Variants in AKAP10 observed in about 807,000 individuals in gnomAD.
AKAP10 encodes A-kinase anchor protein 10, mitochondrial.
Under a neutral mutation model 80.8 loss-of-function variants are expected in AKAP10, and 24 were observed. The observed-to-expected ratio is 0.30, with a 90% CI of 0.22 to 0.42. AKAP10 has a LOEUF of 0.42. AKAP10 is among the 10% of genes least tolerant of loss of function. AKAP10 has a pLI of 1.00. For synonymous variants in AKAP10, 291 were observed against 277.7 expected (o/e 1.05, Z -0.48); for missense variants, 661 against 794.9 (o/e 0.83, Z 2.03).
At chr17:19,935,137 T>TGGTACAACCTATTGCTTTTGG (rs1397145299) in intron 9 of AKAP10, among the ~76,000 whole-genome samples, 8 of 152,246 alleles carry the variant, frequency 5.3e-5, no homozygotes, top group African/African-American at 1.9e-4. Flanking sequence ...CTTGGCTATA[T>TGGTACAACCTATTGCTTTTGG]GGTACAACCT....
intron 10 of AKAP10, among the ~76,000 whole-genome samples, chr17:19,925,551 C>G (rs1053228132): frequency 4.6e-5 from 7 of 152,172 alleles, no homozygotes; most frequent in Admixed American, 3.9e-4. Flanking sequence ...AATTCAGTTA[C>G]AGAGAGACTT....
intron 5 of AKAP10, among the ~76,000 whole-genome samples, chr17:19,946,259 A>ATAT (rs2043122098): frequency 4.2e-5 from 1 of 23,932 alleles, no homozygotes; most frequent in Non-Finnish European, 7.3e-5. Flanking sequence ...ATATATATAT[A>ATAT]TATATATATA....
At position 19,946,275 on chromosome 17, in the gene AKAP10, A is replaced by ATTTTTTTT. The variant is rs71157846; in HGVS notation, c.976+1124_976+1131dup. Among the ~76,000 whole-genome samples the ATTTTTTTT allele has an allele frequency of 3.9e-4, 5 of 12,932 alleles. 1 individual carries two copies. The highest frequency in any genetic ancestry group is 5.5e-4 in the Non-Finnish European group (4 of 7,312). 8.5% of individuals were successfully genotyped at this position (12,932 alleles called of 152,430 possible). ...TATATATATATATATATATATATAT[A>ATTTTTTTT]TTTTTTTTTTTTTTTTTTTTTTTTG... is the stretch of plus-strand genomic sequence containing the variant. On this transcript the variant is annotated intron_variant, in intron 5 of 14. Transcript: ENST00000225737.
intron 9 of AKAP10, among the ~76,000 whole-genome samples, chr17:19,935,285 A>T (rs935449921): frequency 7.2e-5 from 11 of 152,210 alleles, no homozygotes; most frequent in African/African-American, 2.7e-4. Context: ...AAGATAAAAA[A>T]TGGTACATCT....
chr17:19,947,229 A>C (rs2043144671), intron 5 of AKAP10, 178 bp downstream of exon 5: 1 of 586,462 alleles, frequency 1.7e-6, no homozygotes, highest in Admixed American at 3.0e-5. Context: ...CACCGAATGC[A>C]GCCGAGAAAC....
chr17:19,914,815 A>G (rs2042728229), intron 12 of AKAP10, among the ~76,000 whole-genome samples: 1 of 152,094 alleles, frequency 6.6e-6, no homozygotes. Flanking sequence ...GCCATGAAAT[A>G]GCAACTGCAG....
chr17:19,960,993 C>T (rs1054734218), intron 3 of AKAP10, among the ~76,000 whole-genome samples: 2 of 151,550 alleles, frequency 1.3e-5, no homozygotes, highest in African/African-American at 4.9e-5. Context: ...GGCCACTGCA[C>T]TCCAGCCTGT....
intron 1 of AKAP10, among the ~76,000 whole-genome samples, 176 bp downstream of exon 1, chr17:19,977,416 C>T (rs1017044565): frequency 6.6e-6 from 1 of 152,252 alleles, no homozygotes; most frequent in Non-Finnish European, 1.5e-5. Flanking sequence ...AGAAGGCCAC[C>T]TTCTCCCTCC....
At chr17:19,974,175 G>C (rs1478997416) in intron 1 of AKAP10, among the ~76,000 whole-genome samples, 1 of 151,992 alleles carries the variant, frequency 6.6e-6, no homozygotes, top group African/African-American at 2.4e-5. Context: ...TGAACGATAA[G>C]AGCGAAACTC....
intron 8 of AKAP10, among the ~76,000 whole-genome samples, chr17:19,938,073 C>T (rs1362223230): frequency 2.0e-5 from 3 of 148,472 alleles, no homozygotes; most frequent in Admixed American, 6.7e-5. Context: ...TATAGGCACC[C>T]GTCAAAATGC....
chr17:19,956,365 C>T (rs2043275683), intron 4 of AKAP10, among the ~76,000 whole-genome samples: 1 of 152,102 alleles, frequency 6.6e-6, no homozygotes, highest in South Asian at 2.1e-4. Flanking sequence ...AATCACAAGC[C>T]ACCAACAGTC....
chr17:19,906,596 C>T (rs187128212), intron 14 of AKAP10, among the ~76,000 whole-genome samples: 1 of 152,204 alleles, frequency 6.6e-6, no homozygotes, highest in Non-Finnish European at 1.5e-5. Flanking sequence ...GGTAAAGACA[C>T]ACATGCAGAC....
intron 4 of AKAP10, 31 bp downstream of exon 4, chr17:19,957,983 A>G (rs762305145): frequency 6.4e-7 from 1 of 1,567,018 alleles, no homozygotes; most frequent in South Asian, 1.2e-5. Flanking sequence ...AGTGAGACAC[A>G]TATGTACACA....
intron 12 of AKAP10, among the ~76,000 whole-genome samples, chr17:19,916,700 G>C (rs2042746361): frequency 6.6e-6 from 1 of 151,202 alleles, no homozygotes; most frequent in African/African-American, 2.4e-5. Flanking sequence ...CACTTTGGGA[G>C]GCCGAGGTGG....
At chr17:19,946,739 GA>G (rs2043137286) in intron 5 of AKAP10, among the ~76,000 whole-genome samples, 1 of 149,060 alleles carries the variant, frequency 6.7e-6, no homozygotes, top group African/African-American at 2.5e-5. Context: ...GACTGGACAT[GA>G]GGCTGCCCTC....
chr17:19,911,425 C>G (rs1215339269), intron 12 of AKAP10, among the ~76,000 whole-genome samples: 2 of 152,172 alleles, frequency 1.3e-5, no homozygotes, highest in Non-Finnish European at 2.9e-5. Flanking sequence ...TCTTTTTCTT[C>G]TCCTATCAAC....
Position 19,970,897 on chromosome 17 carries a change from A to G in AKAP10, c.89-2436T>C, listed in dbSNP as rs868368349. Among the ~76,000 whole-genome samples the G allele has an allele frequency of 2.2e-4, 33 of 152,126 alleles. No homozygotes were observed. The Middle Eastern group carries it at 0.024, about 110-fold the overall frequency. On this transcript the variant is annotated intron_variant, in intron 1 of 14. Coordinates refer to ENST00000225737, the MANE Select transcript of AKAP10 (RefSeq NM_007202.4). Reference sequence around the variant, plus strand: ...GTTTTTTGACTATGACCACATACAAATACTTTTTATTTTTATTTTTTTGAG... The same window carrying G: ...GTTTTTTGACTATGACCACATACAAGTACTTTTTATTTTTATTTTTTTGAG...
intron 2 of AKAP10, 110 bp from the exon 3 acceptor site, chr17:19,963,132 T>C: frequency 1.1e-6 from 1 of 883,586 alleles, no homozygotes; most frequent in Non-Finnish European, 1.6e-6. Context: ...ACATTACTCT[T>C]AAGTCAGCAT....
chr17:19,924,105 T>A (rs1469773856), intron 11 of AKAP10, among the ~76,000 whole-genome samples: 2 of 152,182 alleles, frequency 1.3e-5, no homozygotes, highest in African/African-American at 4.8e-5. Context: ...TTTCCAAGTA[T>A]CAGTTATGCA....
Sources: gnomAD v4.1 joint callset for allele counts (sites outside exome capture counted in the v4.1 genomes callset) on GRCh38, gnomAD v4.1.1 for gene constraint, MANE v1.5 for transcripts, NCBI Gene and HGNC (gene_info 2026-07-23, HGNC 2026-07-21) for gene names.